The following NRXN3 variants were observed in gnomAD, a reference collection of about 807,000 sequenced individuals.
NRXN3 encodes the protein neurexin III.
Under a neutral mutation model 137.6 loss-of-function variants are expected in NRXN3, and 32 were observed. The observed-to-expected ratio is 0.23, with a 90% CI of 0.18 to 0.31. The LOEUF (loss-of-function observed/expected upper bound fraction) is 0.31. NRXN3 is among the 10% of genes least tolerant of loss of function. NRXN3 has a pLI of 1.00. For synonymous variants in NRXN3, 798 were observed against 784.5 expected, an observed-to-expected ratio of 1.02 and a Z score of -0.29; for missense variants, 1,574 against 2,062.5, an observed-to-expected ratio of 0.76 and a Z score of 4.59.
intron 4 of NRXN3, among the ~76,000 whole-genome samples, chr14:78,322,967 A>G (rs537064704): frequency 2.0e-4 from 31 of 152,054 alleles, no homozygotes; most frequent in South Asian, 4.2e-4. Context: ...TGTCTCCCCA[A>G]CCAGTCTGAA....
intron 19 of NRXN3, among the ~76,000 whole-genome samples, chr14:79,797,929 CA>C (rs1329522619): frequency 1.3e-5 from 2 of 151,736 alleles, no homozygotes; most frequent in African/African-American, 4.8e-5. Flanking sequence ...CCTGTCTCTA[CA>C]AAAAAATAAA....
At chr14:79,091,468 AC>A (rs1235896209) in intron 15 of NRXN3, among the ~76,000 whole-genome samples, 1 of 151,974 alleles carries the variant, frequency 6.6e-6, no homozygotes, top group African/African-American at 2.4e-5. Flanking sequence ...GGTTTTTCCC[AC>A]CCCTTTCCCT....
At chr14:79,042,625 T>C (rs1013117491) in intron 15 of NRXN3, among the ~76,000 whole-genome samples, 11 of 152,240 alleles carry the variant, frequency 7.2e-5, no homozygotes, top group Non-Finnish European at 1.0e-4. Flanking sequence ...GTATGTATTA[T>C]TAAATGTTAA....
chr14:79,663,755 C>A (rs776729434), intron 16 of NRXN3, 23 bp from the exon 17 acceptor site: 3 of 1,606,804 alleles, frequency 1.9e-6, no homozygotes, highest in Non-Finnish European at 1.7e-6. Context: ...GATAACTATG[C>A]CTTTTGTGTT....
intron 16 of NRXN3, among the ~76,000 whole-genome samples, chr14:79,605,787 G>A (rs2098004411): frequency 6.6e-6 from 1 of 152,134 alleles, no homozygotes; most frequent in Admixed American, 6.6e-5. Flanking sequence ...ACTGCGCCTG[G>A]CCGATACTGC....
chr14:79,772,394 A>G (rs1308140618), intron 19 of NRXN3, among the ~76,000 whole-genome samples: 1 of 152,156 alleles, frequency 6.6e-6, no homozygotes, highest in African/African-American at 2.4e-5. Context: ...AGGCTACAGT[A>G]AGCAAAACAG....
At chr14:79,847,117 C>G (rs762722620) in intron 20 of NRXN3, among the ~76,000 whole-genome samples, 3 of 152,170 alleles carry the variant, frequency 2.0e-5, no homozygotes, top group African/African-American at 7.2e-5. Flanking sequence ...GAATCCCAGA[C>G]AATTACAACT....
At position 78,461,631 on chromosome 14, in the gene NRXN3, G is replaced by T. The variant is rs114307193; in HGVS notation, c.757+163771G>T. Reference sequence around the variant, plus strand: ...TCCAACCAGTTAGTCAGAGAAAAGAGCCCTGATGTAAGTAGAGAAAGAGGT... The same window carrying T: ...TCCAACCAGTTAGTCAGAGAAAAGATCCCTGATGTAAGTAGAGAAAGAGGT... On this transcript the variant is annotated intron_variant, in intron 4 of 20. Coordinates refer to ENST00000335750, the MANE Select transcript of NRXN3 (RefSeq NM_001330195.2). Among the ~76,000 whole-genome samples the T allele has an allele frequency of 3.5e-3, 536 of 152,262 alleles. 1 individual carries two copies. The highest frequency in any genetic ancestry group is 0.012 in the African/African-American group (507 of 41,540).
chr14:78,597,151 G>C (rs1388179986), intron 4 of NRXN3, among the ~76,000 whole-genome samples: 3 of 152,210 alleles, frequency 2.0e-5, no homozygotes, highest in Non-Finnish European at 4.4e-5. Flanking sequence ...GGAGAAGACT[G>C]TGTCGGGGAT....
intron 15 of NRXN3, among the ~76,000 whole-genome samples, chr14:79,057,200 G>A (rs1301695729): frequency 6.6e-6 from 1 of 152,194 alleles, no homozygotes; most frequent in Non-Finnish European, 1.5e-5. Flanking sequence ...AGAAAGTCAT[G>A]CAGCACATTA....
At chr14:78,628,158 G>A (rs1047972140) in intron 4 of NRXN3, among the ~76,000 whole-genome samples, 10 of 150,172 alleles carry the variant, frequency 6.7e-5, no homozygotes, top group Non-Finnish European at 7.4e-5. Flanking sequence ...CTGCAGCCTC[G>A]AACTCCTGGG....
intron 19 of NRXN3, among the ~76,000 whole-genome samples, chr14:79,719,732 A>C (rs1027134450): frequency 2.2e-4 from 33 of 152,168 alleles, no homozygotes; most frequent in African/African-American, 7.2e-4. Context: ...ATATTTTTTC[A>C]CATGCATGCA....
At chr14:78,668,926 A>G (rs1248021170) in intron 6 of NRXN3, among the ~76,000 whole-genome samples, 11 of 146,784 alleles carry the variant, frequency 7.5e-5, no homozygotes, top group African/African-American at 2.9e-4. Flanking sequence ...AACTCTATCT[A>G]TCTATCTGTC....
At chr14:78,987,019 C>CAAA (rs36081362) in intron 14 of NRXN3, among the ~76,000 whole-genome samples, 4,955 of 53,986 alleles carry the variant, frequency 0.092, 470 homozygotes, top group Admixed American at 0.21. Flanking sequence ...GAGACTGTCT[C>CAAA]AAAAAAAAAA....
intron 8 of NRXN3, 65 bp downstream of exon 8, chr14:78,715,204 C>G (rs965453955): frequency 3.6e-5 from 56 of 1,555,802 alleles, no homozygotes; most frequent in Non-Finnish European, 4.5e-5. Context: ...AGTTGGATCC[C>G]TGGGCAGCCC....
intron 19 of NRXN3, among the ~76,000 whole-genome samples, chr14:79,698,242 A>C: frequency 6.6e-6 from 1 of 151,970 alleles, no homozygotes; most frequent in East Asian, 1.9e-4. Flanking sequence ...TAATTTTATT[A>C]CCTTTTCAAA....
chr14:79,820,907 AG>A (rs1398396376), intron 20 of NRXN3, among the ~76,000 whole-genome samples: 5 of 152,170 alleles, frequency 3.3e-5, no homozygotes, highest in Non-Finnish European at 7.3e-5. Context: ...TTGGGTGGCC[AG>A]GGTGCTTAGT....
chr14:79,689,714 A>G (rs2098709116), intron 17 of NRXN3, among the ~76,000 whole-genome samples: 2 of 152,068 alleles, frequency 1.3e-5, no homozygotes, highest in South Asian at 4.1e-4. Context: ...TTTATCTAAC[A>G]TAGTTATCTC....
At chr14:79,163,321 G>C (rs939648964) in intron 15 of NRXN3, among the ~76,000 whole-genome samples, 3 of 151,820 alleles carry the variant, frequency 2.0e-5, no homozygotes, top group Non-Finnish European at 2.9e-5. Flanking sequence ...GGTGAATAAG[G>C]CTTTTCTAGG....
Sources: gnomAD v4.1 joint callset for allele counts (sites outside exome capture counted in the v4.1 genomes callset) on GRCh38, gnomAD v4.1.1 for gene constraint, MANE v1.5 for transcripts, NCBI Gene and HGNC (gene_info 2026-07-23, HGNC 2026-07-21) for gene names.